The following ANKRD17 variants were observed in gnomAD, a reference collection of about 807,000 sequenced individuals.
ANKRD17 encodes the protein ankyrin repeat domain 17, also known as ankyrin repeat domain-containing protein 17.
A neutral mutation model predicts 229.7 loss-of-function variants in ANKRD17; 19 were observed. The observed-to-expected ratio is 0.08, with a 90% CI of 0.06 to 0.12. The LOEUF (loss-of-function observed/expected upper bound fraction) is 0.12, where lower values mean the gene tolerates loss of function less well. Among genes scored for constraint, ANKRD17 ranks in the 10% least tolerant of loss-of-function variants. The probability of loss-of-function intolerance (pLI) is 1.00; values close to 1 mark genes in which losing one functional copy is unlikely to be tolerated. For synonymous variants in ANKRD17, 1,112 were observed against 1,146.1 expected (o/e 0.97, Z 0.60); for missense variants, 2,176 against 3,176.8 (o/e 0.68, Z 7.57).
Position 73,120,976 on chromosome 4 carries a change from G to T in ANKRD17, c.3754C>A (p.Arg1252=). 1 of 1,613,704 alleles carries T rather than the reference G, an allele frequency of 6.2e-7. No homozygotes were observed. The highest frequency in any genetic ancestry group is 8.5e-7 in the Non-Finnish European group (1 of 1,179,908). Residue 1252 remains arginine (R), a synonymous_variant, in exon 20 of 34, where the codon CGG becomes AGG. Coordinates refer to ENST00000358602, the MANE Select transcript of ANKRD17 (RefSeq NM_032217.5). ...CAGGCTAAAGTAAGGGCAGTGTTCC[G>T]ATTGGTTTCTATCTGAGCATTTATG... The part of the protein sequence containing the change: ...SDINAQIETN[R]NTALTLACFQ...
At chr4:73,112,566 T>G (rs1386803299) in intron 24 of ANKRD17, 1 of 488,358 alleles carries the variant, frequency 2.0e-6, no homozygotes, top group Non-Finnish European at 2.7e-6. Context: ...ATAAAATACA[T>G]TTTTTCAGAA....
rs898365903 is a variant in ANKRD17, at chr4:73,161,347, T to G, written c.549A>C (p.Gly183=). 14 of 1,613,656 alleles carry G rather than the reference T, an allele frequency of 8.7e-6. No individual in the cohort carries two copies. The African/African-American group carries it at 1.6e-4, about 18-fold the overall frequency. ...ARLEALLEAA[G]IGKLSTADGK... Reference sequence around the variant, plus strand: ...CATCAGCCGTGGACAATTTTCCTATTCCTATTATATTATTTTCACACCAAT... The same window carrying G: ...CATCAGCCGTGGACAATTTTCCTATGCCTATTATATTATTTTCACACCAAT... Residue 183 remains glycine, a splice_region_variant and synonymous_variant, in exon 3 of 34, where the codon GGA becomes GGC. Coordinates refer to ENST00000358602, the MANE Select transcript of ANKRD17 (RefSeq NM_032217.5).
intron 1 of ANKRD17, among the ~76,000 whole-genome samples, chr4:73,206,996 G>C (rs904338355): frequency 1.3e-5 from 2 of 152,040 alleles, no homozygotes; most frequent in African/African-American, 4.8e-5. Flanking sequence ...GCTAATTTTT[G>C]TATTTTTAGT....
chr4:73,209,562 C>A (rs1159910600), intron 1 of ANKRD17, among the ~76,000 whole-genome samples: 1 of 152,124 alleles, frequency 6.6e-6, no homozygotes. Context: ...TCAATGCAAT[C>A]GACCCAAACT....
At chr4:73,168,177 A>G (rs1163401489) in intron 2 of ANKRD17, among the ~76,000 whole-genome samples, 1 of 152,124 alleles carries the variant, frequency 6.6e-6, no homozygotes, top group East Asian at 1.9e-4. Flanking sequence ...AAAAAAATTT[A>G]CTGTATTACA....
chr4:73,181,515 A>T (rs2149016198), intron 1 of ANKRD17, among the ~76,000 whole-genome samples: 1 of 152,296 alleles, frequency 6.6e-6, no homozygotes, highest in East Asian at 1.9e-4. Context: ...GACTGGCATA[A>T]AGAGATGCAA....
intron 11 of ANKRD17, 86 bp from the exon 12 acceptor site, chr4:73,142,853 G>GA: frequency 7.0e-7 from 1 of 1,432,654 alleles, no homozygotes; most frequent in Non-Finnish European, 9.3e-7. Flanking sequence ...GAAGAGTAGA[G>GA]AAAATAGTAT....
intron 1 of ANKRD17, among the ~76,000 whole-genome samples, chr4:73,209,257 T>G (rs1739935416): frequency 6.6e-6 from 1 of 151,578 alleles, no homozygotes; most frequent in African/African-American, 2.4e-5. Flanking sequence ...AAATAATCAG[T>G]GACACAAAAT....
At chr4:73,226,339 C>G (rs1350225316) in intron 1 of ANKRD17, among the ~76,000 whole-genome samples, 1 of 149,216 alleles carries the variant, frequency 6.7e-6, no homozygotes, top group Non-Finnish European at 1.5e-5. Flanking sequence ...CTACAGTATC[C>G]TAATACCTTT....
intron 1 of ANKRD17, among the ~76,000 whole-genome samples, chr4:73,202,426 G>A (rs932572880): frequency 6.6e-6 from 1 of 150,610 alleles, no homozygotes; most frequent in Non-Finnish European, 1.5e-5. Flanking sequence ...AAACGTGGGG[G>A]CAGAAAACTA....
In ANKRD17 at chr4:73,139,907, T is replaced by C. The variant is rs773441744; in HGVS notation, c.2709A>G (p.Gln903=). ...AQRIQLQQQQ[Q]QSCQHLGLLT... Reference sequence around the variant, plus strand: ...GTAATCCCAGGTGTTGGCAAGACTGTTGCTGCTGTTGCTGAAGTTGAATTC... The same window carrying C: ...GTAATCCCAGGTGTTGGCAAGACTGCTGCTGCTGTTGCTGAAGTTGAATTC... Residue 903 remains glutamine (Q), a synonymous_variant, in exon 15 of 34, where the codon CAA becomes CAG. Coordinates refer to ENST00000358602, the MANE Select transcript of ANKRD17 (RefSeq NM_032217.5). 8.1e-6 allele frequency: 13 copies of C among 1,614,098 alleles called. No individual in the cohort carries two copies. Among genetic ancestry groups the C allele is most frequent in the African/African-American group, 4.0e-5 (3 of 74,934 alleles).
chr4:73,227,911 T>G (rs756580754), intron 1 of ANKRD17, among the ~76,000 whole-genome samples: 1 of 152,146 alleles, frequency 6.6e-6, no homozygotes, highest in Non-Finnish European at 1.5e-5. Context: ...GAAAACTCCT[T>G]GTAAAGGAGT....
intron 21 of ANKRD17, among the ~76,000 whole-genome samples, chr4:73,119,780 C>T (rs779515354): frequency 1.2e-4 from 18 of 152,172 alleles, no homozygotes; most frequent in Non-Finnish European, 2.2e-4. Flanking sequence ...CATAACCACA[C>T]CTAAAAGCCT....
intron 6 of ANKRD17, among the ~76,000 whole-genome samples, chr4:73,152,122 G>A (rs1397239605): frequency 1.3e-5 from 2 of 151,860 alleles, no homozygotes; most frequent in Non-Finnish European, 2.9e-5. Flanking sequence ...AGATACAAGT[G>A]GTTAAAAAGC....
chr4:73,127,596 G>A (rs746632349), intron 16 of ANKRD17, among the ~76,000 whole-genome samples: 22 of 151,936 alleles, frequency 1.4e-4, no homozygotes, highest in Non-Finnish European at 2.5e-4. Flanking sequence ...TTCCTGGGAG[G>A]TAAGGAACAT....
At chr4:73,190,472 A>C (rs1030264699) in intron 1 of ANKRD17, among the ~76,000 whole-genome samples, 1 of 151,902 alleles carries the variant, frequency 6.6e-6, no homozygotes, top group East Asian at 1.9e-4. Context: ...AAGATACCCA[A>C]ATCAAAACTA....
chr4:73,192,988 C>T (rs184753826), intron 1 of ANKRD17, among the ~76,000 whole-genome samples: 43 of 151,786 alleles, frequency 2.8e-4, no homozygotes, highest in African/African-American at 9.6e-4. Flanking sequence ...ACCCTTTTTT[C>T]GTGGTACAAA....
rs1323455626 is a variant in ANKRD17, at chr4:73,074,695, C to T, written c.*1536G>A. The T allele has an allele frequency of 6.6e-6, 1 of 152,178 alleles. No homozygotes were observed. Among genetic ancestry groups the T allele is most frequent in the South Asian group, 2.1e-4 (1 of 4,816 alleles). The allele number at this position is 152,178 out of a possible 1,614,324, so 9.4% of individuals were successfully genotyped here. A position where few individuals can be genotyped will look rare whatever the true frequency, so the allele number is the denominator to read the frequency against. ...AGGAACCATGTTAATATCATCAACTCTAGGTGATTTATATGAATTTTAGTT... is the reference window on the plus strand; with the variant it reads ...AGGAACCATGTTAATATCATCAACTTTAGGTGATTTATATGAATTTTAGTT... On this transcript the variant is annotated 3_prime_UTR_variant, in exon 34 of 34. Transcript: ENST00000358602.
chr4:73,102,155 C>A (rs1035814645), intron 25 of ANKRD17, among the ~76,000 whole-genome samples: 6 of 152,046 alleles, frequency 3.9e-5, no homozygotes, highest in Non-Finnish European at 8.8e-5. Context: ...TATAGACAGT[C>A]TCACTTTGTT....
Sources: allele counts gnomAD v4.1 joint callset (sites outside exome capture counted in the v4.1 genomes callset), GRCh38; gene constraint gnomAD v4.1.1; transcripts MANE v1.5; gene names NCBI Gene and HGNC (gene_info 2026-07-23, HGNC 2026-07-21).